The following SLC26A4 variants were observed in gnomAD, a reference collection of about 807,000 sequenced individuals.
SLC26A4 encodes the protein pendrin.
Under a neutral mutation model 90.4 loss-of-function variants are expected in SLC26A4, and 93 were observed. That is an observed-to-expected ratio of 1.03 (90% CI 0.87 to 1.22). The LOEUF (loss-of-function observed/expected upper bound fraction) is 1.22, where lower values mean the gene tolerates loss of function less well. SLC26A4 is among the 50% of genes most tolerant of loss of function. The probability of loss-of-function intolerance (pLI) is 0.00; values close to 1 mark genes in which losing one functional copy is unlikely to be tolerated. For synonymous variants in SLC26A4, 393 were observed against 354.6 expected, an observed-to-expected ratio of 1.11 and a Z score of -1.22; for missense variants, 1,127 against 946.2, an observed-to-expected ratio of 1.19 and a Z score of -2.51.
In SLC26A4 at chr7:107,661,716, G is replaced by T. The variant is rs570668954; in HGVS notation, c.75G>T (p.Pro25=). Residue 25 remains proline (P), a synonymous_variant, in exon 2 of 21, where the codon CCG becomes CCT. Coordinates refer to ENST00000644269, the MANE Select transcript of SLC26A4 (RefSeq NM_000441.2). This position sits in a 1 kb window ranked among gnomAD's most constrained non-coding sequence, Gnocchi z 5.1. The stretch of plus-strand genomic sequence containing the variant: ...GCTGCAGCTACATGGTGTCGCGGCC[G>T]GTCTACAGCGAGCTCGCTTTCCAGC... The part of the protein sequence containing the change: ...EYSCSYMVSR[P]VYSELAFQQQ... The T allele has an allele frequency of 6.4e-6, 10 of 1,563,506 alleles. No homozygotes were observed. In the South Asian group the frequency reaches 8.2e-5, roughly 13 times the overall value.
At chr7:107,683,787 G>A (rs181063149) in intron 8 of SLC26A4, among the ~76,000 whole-genome samples, 11 of 152,048 alleles carry the variant, frequency 7.2e-5, no homozygotes, top group South Asian at 4.2e-4. Context: ...GAACATGTAC[G>A]GTTAACACCA....
intron 3 of SLC26A4, among the ~76,000 whole-genome samples, chr7:107,670,399 G>A (rs1790830963): frequency 2.0e-5 from 3 of 151,954 alleles, no homozygotes; most frequent in East Asian, 3.9e-4. Context: ...GACTCACCGC[G>A]CCCGGTCCCT....
intron 6 of SLC26A4, among the ~76,000 whole-genome samples, chr7:107,677,872 C>T (rs1235897955): frequency 6.6e-6 from 1 of 152,116 alleles, no homozygotes; most frequent in Non-Finnish European, 1.5e-5. Context: ...TCACTTTGGC[C>T]TCCCAAAGTT....
chr7:107,690,099 C>T (rs575076845), intron 9 of SLC26A4, 25 bp from the exon 10 acceptor site: 18 of 1,283,178 alleles, frequency 1.4e-5, no homozygotes, highest in East Asian at 2.3e-5. Flanking sequence ...TTTGTAGGAT[C>T]GTTGTCATCC....
At chr7:107,687,883 A>T (rs1791462019) in intron 8 of SLC26A4, among the ~76,000 whole-genome samples, 1 of 152,144 alleles carries the variant, frequency 6.6e-6, no homozygotes, top group Admixed American at 6.5e-5. Flanking sequence ...CAACTGTTGG[A>T]TCAGGGTTTC....
At chr7:107,666,334 A>C (rs1790712979) in intron 3 of SLC26A4, among the ~76,000 whole-genome samples, 1 of 152,100 alleles carries the variant, frequency 6.6e-6, no homozygotes, top group Non-Finnish European at 1.5e-5. Context: ...TGATCCTCCC[A>C]TCTCAGCCTC....
At chr7:107,701,315 T>A in intron 16 of SLC26A4, 119 bp downstream of exon 16, 2 of 719,534 alleles carry the variant, frequency 2.8e-6, no homozygotes. Context: ...ACAAATGACA[T>A]GTACGTATCA....
At chr7:107,709,950 G>C in intron 18 of SLC26A4, 104 bp from the exon 19 acceptor site, 1 of 900,540 alleles carries the variant, frequency 1.1e-6, no homozygotes, top group Admixed American at 2.0e-5. Flanking sequence ...GAGCAATGAT[G>C]CCACTGCACT....
intron 10 of SLC26A4, chr7:107,693,208 T>G: frequency 1.4e-6 from 1 of 718,832 alleles, no homozygotes; most frequent in Non-Finnish European, 1.7e-6. Context: ...GATATCAGCT[T>G]CTCTGCTTAG....
At chr7:107,674,568 G>A (rs569219906) in intron 5 of SLC26A4, among the ~76,000 whole-genome samples, 1 of 152,254 alleles carries the variant, frequency 6.6e-6, no homozygotes, top group East Asian at 1.9e-4. Flanking sequence ...ACAGAAAAAA[G>A]CACAGAAGAA....
intron 3 of SLC26A4, among the ~76,000 whole-genome samples, chr7:107,668,880 G>C (rs1455567285): frequency 1.3e-5 from 2 of 152,158 alleles, no homozygotes; most frequent in Admixed American, 6.5e-5. Flanking sequence ...ATTAGCACCT[G>C]CTTTGCCAGT....
chr7:107,675,276 C>G (rs1368873681), intron 6 of SLC26A4, among the ~76,000 whole-genome samples, 167 bp downstream of exon 6: 3 of 126,040 alleles, frequency 2.4e-5, no homozygotes, highest in Non-Finnish European at 4.9e-5. Context: ...GACGTGAGAC[C>G]TCATCTCTTA....
intron 14 of SLC26A4, among the ~76,000 whole-genome samples, chr7:107,698,454 T>G (rs1475722994): frequency 1.3e-5 from 2 of 152,162 alleles, no homozygotes; most frequent in East Asian, 3.9e-4. Context: ...GTGGCTGGGA[T>G]TACAGGCAGG....
chr7:107,690,045 A>T (rs1018879867), intron 9 of SLC26A4, 79 bp from the exon 10 acceptor site: 2 of 872,254 alleles, frequency 2.3e-6, no homozygotes, highest in Non-Finnish European at 4.0e-6. Context: ...TTCATTCTTA[A>T]TGTACTTCCT....
Position 107,661,854 on chromosome 7 carries a change from C to T in SLC26A4, c.164+49C>T. 1 of 1,515,576 alleles carries T rather than the reference C, an allele frequency of 6.6e-7. No individual in the cohort carries two copies. The highest frequency in any genetic ancestry group is 8.8e-7 in the Non-Finnish European group (1 of 1,133,298). 93.9% of individuals were successfully genotyped at this position (1,515,576 alleles called of 1,614,324 possible). ...AGAGAGAAGCGGAGCGGGGCGTCCA[C>T]GCCTTGGGGAGGGAAGGGCGTCCCC... is the stretch of plus-strand genomic sequence containing the variant. On this transcript the variant is annotated intron_variant, in intron 2 of 20. Coordinates refer to ENST00000644269, the MANE Select transcript of SLC26A4 (RefSeq NM_000441.2). This position sits in a 1 kb window ranked among gnomAD's most constrained non-coding sequence, Gnocchi z 5.1.
chr7:107,666,980 A>G (rs1054763504), intron 3 of SLC26A4, among the ~76,000 whole-genome samples: 3 of 152,238 alleles, frequency 2.0e-5, no homozygotes, highest in African/African-American at 7.2e-5. Flanking sequence ...AGCAAGAATC[A>G]CTGACACATA....
At chr7:107,671,891 C>A (rs940786882) in intron 3 of SLC26A4, among the ~76,000 whole-genome samples, 1 of 152,122 alleles carries the variant, frequency 6.6e-6, no homozygotes, top group African/African-American at 2.4e-5. Context: ...TACAGTTGGG[C>A]AAAATAATCT....
At chr7:107,669,929 T>C (rs1264335164) in intron 3 of SLC26A4, among the ~76,000 whole-genome samples, 2 of 152,176 alleles carry the variant, frequency 1.3e-5, no homozygotes, top group African/African-American at 4.8e-5. Context: ...TGTTGCCTTC[T>C]GAGGGTAGAG....
intron 16 of SLC26A4, among the ~76,000 whole-genome samples, chr7:107,701,463 T>C (rs1191565728): frequency 6.6e-6 from 1 of 152,208 alleles, no homozygotes; most frequent in African/African-American, 2.4e-5. Context: ...ATACTTTATT[T>C]TTACTGAAAG....
Sources: gnomAD v4.1 joint callset for allele counts (sites outside exome capture counted in the v4.1 genomes callset) on GRCh38, gnomAD v4.1.1 for gene constraint, Gnocchi (gnomAD v3.1) non-coding constraint, MANE v1.5 for transcripts, NCBI Gene and HGNC (gene_info 2026-07-23, HGNC 2026-07-21) for gene names.